The following PCSK2 variants were observed in gnomAD, a reference collection of about 807,000 sequenced individuals.
PCSK2 encodes proprotein convertase subtilisin/kexin type 2.
Under a neutral mutation model 69.7 loss-of-function variants are expected in PCSK2, and 14 were observed. The observed-to-expected ratio is 0.20, with a 90% CI of 0.13 to 0.31. The LOEUF (loss-of-function observed/expected upper bound fraction) is 0.31, where lower values mean the gene tolerates loss of function less well. Ranked by LOEUF, PCSK2 falls within the 10% of genes least tolerant of loss-of-function variation. The pLI is 1.00. For missense variants in PCSK2, 544 were observed against 842.5 expected (o/e 0.65, Z 4.39); for synonymous variants, 307 against 320.7 (o/e 0.96, Z 0.46).
chr20:17,253,138 C>T (rs1216544765), intron 1 of PCSK2, among the ~76,000 whole-genome samples: 1 of 152,118 alleles, frequency 6.6e-6, no homozygotes, highest in Non-Finnish European at 1.5e-5. Context: ...TACAGGAAAA[C>T]TCTCATCTAT....
At chr20:17,309,553 C>T (rs953367864) in intron 2 of PCSK2, among the ~76,000 whole-genome samples, 1 of 152,164 alleles carries the variant, frequency 6.6e-6, no homozygotes, top group African/African-American at 2.4e-5. Context: ...CATGGCGGCT[C>T]ATGCCTGTAA....
At chr20:17,370,097 T>C (rs2030713201) in intron 5 of PCSK2, among the ~76,000 whole-genome samples, 2 of 152,210 alleles carry the variant, frequency 1.3e-5, no homozygotes, top group Admixed American at 1.3e-4. Flanking sequence ...ATCGATCACT[T>C]ATTTTAACCC....
intron 7 of PCSK2, among the ~76,000 whole-genome samples, chr20:17,433,898 C>T (rs1231586524): frequency 2.1e-5 from 2 of 97,518 alleles, no homozygotes; most frequent in Non-Finnish European, 4.3e-5. Flanking sequence ...CCCCCCCCTT[C>T]CTACTTCTCT....
intron 5 of PCSK2, among the ~76,000 whole-genome samples, chr20:17,395,613 T>C (rs1170898561): frequency 6.6e-6 from 1 of 152,224 alleles, no homozygotes; most frequent in Non-Finnish European, 1.5e-5. Flanking sequence ...TATTTAATTC[T>C]CAAAACTGCT....
intron 5 of PCSK2, among the ~76,000 whole-genome samples, chr20:17,384,361 G>C (rs1219282721): frequency 6.6e-6 from 1 of 151,380 alleles, no homozygotes; most frequent in Non-Finnish European, 1.5e-5. Context: ...GCCGAGGTGG[G>C]TGGATCACCT....
intron 2 of PCSK2, among the ~76,000 whole-genome samples, chr20:17,285,214 G>T (rs902483810): frequency 6.6e-6 from 1 of 152,202 alleles, no homozygotes; most frequent in African/African-American, 2.4e-5. Context: ...AAGAACAAAG[G>T]ATGTATTCAT....
chr20:17,349,724 T>C (rs2029916839), intron 2 of PCSK2, among the ~76,000 whole-genome samples: 1 of 152,262 alleles, frequency 6.6e-6, no homozygotes, highest in Non-Finnish European at 1.5e-5. Context: ...AAGAGGTTTT[T>C]CATAAATAAA....
chr20:17,465,574 C>G (rs1440494490), intron 11 of PCSK2, 21 bp downstream of exon 11: 1 of 1,469,612 alleles, frequency 6.8e-7, no homozygotes, highest in East Asian at 2.3e-5. Context: ...GTAGTGGTCC[C>G]TCTGCTGCAT....
chr20:17,313,767 T>C (rs1438647143), intron 2 of PCSK2, among the ~76,000 whole-genome samples: 1 of 152,150 alleles, frequency 6.6e-6, no homozygotes, highest in Non-Finnish European at 1.5e-5. Flanking sequence ...AAGGACGACA[T>C]GAATGTTGAG....
At position 17,354,231 on chromosome 20, in the gene PCSK2, GTTT is replaced by G. The variant is rs1568615035; in HGVS notation, c.283-4092_283-4090del. ...GTAACAAAGACTTCTACTTTCTTAT[GTTT>G]TTTATTTGTACAAACGTGTAAGCCA... is the stretch of plus-strand genomic sequence containing the variant. On this transcript the variant is annotated intron_variant, in intron 2 of 11. Transcript: ENST00000262545. Among the ~76,000 whole-genome samples the G allele has an allele frequency of 2.6e-5, 4 of 152,292 alleles. No homozygotes were observed. The South Asian group carries it at 8.3e-4, about 32-fold the overall frequency.
At chr20:17,423,873 A>G (rs1489227951) in intron 6 of PCSK2, among the ~76,000 whole-genome samples, 2 of 152,236 alleles carry the variant, frequency 1.3e-5, no homozygotes, top group African/African-American at 4.8e-5. Flanking sequence ...TTACCTTGCT[A>G]GTGATGAGGA....
chr20:17,438,218 C>A (rs2032525457), intron 8 of PCSK2, among the ~76,000 whole-genome samples: 4 of 152,172 alleles, frequency 2.6e-5, no homozygotes, highest in Admixed American at 2.6e-4. Context: ...TAGAAACCAG[C>A]ACTATTATAA....
chr20:17,372,791 G>A (rs775909428), intron 5 of PCSK2, among the ~76,000 whole-genome samples: 1 of 152,120 alleles, frequency 6.6e-6, no homozygotes, highest in Non-Finnish European at 1.5e-5. Flanking sequence ...GGCCCAAACT[G>A]GCTGGTTTTT....
chr20:17,395,911 G>A (rs1356020448), intron 5 of PCSK2, among the ~76,000 whole-genome samples: 1 of 152,154 alleles, frequency 6.6e-6, no homozygotes, highest in African/African-American at 2.4e-5. Flanking sequence ...TGATACTGAA[G>A]TTGTGTAATC....
At chr20:17,428,316 T>C (rs1600571985) in intron 6 of PCSK2, among the ~76,000 whole-genome samples, 3 of 152,042 alleles carry the variant, frequency 2.0e-5, no homozygotes, top group Non-Finnish European at 4.4e-5. Flanking sequence ...GATAGGCGGG[T>C]TTCATTCTTG....
At chr20:17,366,751 A>G (rs1363589678) in intron 4 of PCSK2, among the ~76,000 whole-genome samples, 1 of 152,230 alleles carries the variant, frequency 6.6e-6, no homozygotes, top group Non-Finnish European at 1.5e-5. Flanking sequence ...CAAAGTCGGT[A>G]TCTGTTCTAA....
At chr20:17,246,597 C>G (rs1258255151) in intron 1 of PCSK2, among the ~76,000 whole-genome samples, 1 of 151,994 alleles carries the variant, frequency 6.6e-6, no homozygotes, top group African/African-American at 2.4e-5. Context: ...TGCAGGATAT[C>G]CTCCAGAAAA....
intron 5 of PCSK2, among the ~76,000 whole-genome samples, chr20:17,390,071 C>T (rs1385279635): frequency 6.6e-6 from 1 of 152,142 alleles, no homozygotes; most frequent in African/African-American, 2.4e-5. Flanking sequence ...TATCCCACAA[C>T]AAAACAAACA....
chr20:17,379,511 A>G (rs1191830585), intron 5 of PCSK2, among the ~76,000 whole-genome samples: 1 of 152,268 alleles, frequency 6.6e-6, no homozygotes, highest in Admixed American at 6.5e-5. Flanking sequence ...GTGTCAAAGA[A>G]TCATGAGTAC....
Sources: allele counts gnomAD v4.1 joint callset (sites outside exome capture counted in the v4.1 genomes callset), GRCh38; gene constraint gnomAD v4.1.1; transcripts MANE v1.5; gene names NCBI Gene and HGNC (gene_info 2026-07-23, HGNC 2026-07-21).